The following DENND5B variants were observed in gnomAD, a reference collection of about 807,000 sequenced individuals.
DENND5B encodes the protein DENN domain containing 5B.
In DENND5B, 34 loss-of-function variants were observed where a neutral mutation model predicts 140.6. The ratio of observed to expected loss-of-function variants is 0.24; its 90% CI spans 0.18 to 0.32. The LOEUF is 0.32. Ranked by LOEUF, DENND5B falls within the 10% of genes least tolerant of loss-of-function variation. The probability of loss-of-function intolerance (pLI) is 1.00; values close to 1 mark genes in which losing one functional copy is unlikely to be tolerated. For missense variants in DENND5B, 1,142 were observed against 1,560.2 expected (o/e 0.73, Z 4.52); for synonymous variants, 551 against 562.1 (o/e 0.98, Z 0.28).
intron 1 of DENND5B, among the ~76,000 whole-genome samples, chr12:31,561,105 T>G (rs895735787): frequency 6.6e-5 from 10 of 152,140 alleles, no homozygotes; most frequent in Non-Finnish European, 1.2e-4. Context: ...GAACTCCGTA[T>G]GTAAGGGATG....
chr12:31,555,791 C>A (rs1949256069), intron 1 of DENND5B, among the ~76,000 whole-genome samples: 1 of 152,186 alleles, frequency 6.6e-6, no homozygotes. Context: ...TGCCACCTTG[C>A]AGTTTGATCT....
chr12:31,584,749 C>A (rs899863465), intron 1 of DENND5B, among the ~76,000 whole-genome samples: 3 of 152,068 alleles, frequency 2.0e-5, no homozygotes, highest in Non-Finnish European at 4.4e-5. Flanking sequence ...CTGCTTGAGC[C>A]CAAGGAGATT....
chr12:31,553,954 T>C (rs1426154271), intron 1 of DENND5B, among the ~76,000 whole-genome samples: 1 of 152,194 alleles, frequency 6.6e-6, no homozygotes, highest in African/African-American at 2.4e-5. Context: ...AGCCTATGTA[T>C]GTCTCTGCAC....
intron 3 of DENND5B, among the ~76,000 whole-genome samples, chr12:31,464,247 T>C (rs937359890): frequency 2.6e-5 from 4 of 152,210 alleles, no homozygotes; most frequent in Non-Finnish European, 5.9e-5. Flanking sequence ...GACCACTTGC[T>C]TGCAGTCCAT....
intron 1 of DENND5B, among the ~76,000 whole-genome samples, chr12:31,507,916 A>C (rs1382923938): frequency 6.6e-6 from 1 of 152,218 alleles, no homozygotes; most frequent in Admixed American, 6.5e-5. Flanking sequence ...CTAAATTAGA[A>C]ACACATTATT....
rs1256630220 is a variant in DENND5B at position 31,585,466 on chromosome 12, T to G, written c.127+5240A>C. Among the ~76,000 whole-genome samples the G allele has an allele frequency of 2.6e-5, 4 of 152,230 alleles. No homozygotes were observed. In the East Asian group the frequency reaches 7.7e-4, roughly 29 times the overall value. ...ACACACTTCAGCACAGTCTTGACTA[T>G]GACATTCAGTCTGGAATAAGGGCAA... On this transcript the variant is annotated intron_variant, in intron 1 of 20. Transcript: ENST00000389082.
At chr12:31,460,735 A>T (rs926795315) in intron 3 of DENND5B, among the ~76,000 whole-genome samples, 1 of 152,128 alleles carries the variant, frequency 6.6e-6, no homozygotes, top group African/African-American at 2.4e-5. Context: ...TAACATTGTT[A>T]TTATTTTTGA....
At chr12:31,538,001 A>C (rs563453343) in intron 1 of DENND5B, among the ~76,000 whole-genome samples, 1 of 152,214 alleles carries the variant, frequency 6.6e-6, no homozygotes, top group African/African-American at 2.4e-5. Flanking sequence ...ACCCAGATAC[A>C]TAAAGCAAAT....
intron 6 of DENND5B, 116 bp from the exon 7 acceptor site, chr12:31,443,041 ATAT>A: frequency 1.2e-6 from 1 of 844,118 alleles, no homozygotes; most frequent in Non-Finnish European, 1.7e-6. Context: ...TCTGAAACAG[ATAT>A]TGTGTGTGTG....
intron 1 of DENND5B, among the ~76,000 whole-genome samples, chr12:31,527,719 A>G (rs1948135878): frequency 6.6e-6 from 1 of 152,144 alleles, no homozygotes; most frequent in African/African-American, 2.4e-5. Flanking sequence ...TGGAGGTTGC[A>G]GTGAGCTGAG....
chr12:31,477,671 T>C (rs1430370275), intron 3 of DENND5B: 1 of 166,622 alleles, frequency 6.0e-6, no homozygotes, highest in Non-Finnish European at 1.4e-5. Context: ...ATGAAAAATA[T>C]GACGGAGATC....
chr12:31,418,342 C>T (rs1593114136), intron 11 of DENND5B, among the ~76,000 whole-genome samples: 1 of 141,870 alleles, frequency 7.0e-6, no homozygotes, highest in Non-Finnish European at 1.5e-5. Flanking sequence ...AGTGCAGTGG[C>T]ATGATCTCGG....
intron 16 of DENND5B, among the ~76,000 whole-genome samples, chr12:31,398,972 A>G (rs1941636262): frequency 1.3e-5 from 2 of 151,582 alleles, no homozygotes; most frequent in Admixed American, 1.3e-4. Flanking sequence ...AAATACAGAA[A>G]TTAGCCGGGC....
chr12:31,540,853 C>T (rs1349242005), intron 1 of DENND5B: 4 of 302,646 alleles, frequency 1.3e-5, no homozygotes, highest in East Asian at 9.1e-5. Flanking sequence ...AAAACAGACA[C>T]ATTAGACCAG....
At chr12:31,469,494 G>C (rs1945442652) in intron 3 of DENND5B, among the ~76,000 whole-genome samples, 1 of 152,234 alleles carries the variant, frequency 6.6e-6, no homozygotes, top group East Asian at 1.9e-4. Context: ...TTTCTGAGTT[G>C]TATCCTTTAT....
chr12:31,510,533 T>C (rs976461477), intron 1 of DENND5B, among the ~76,000 whole-genome samples: 8 of 152,316 alleles, frequency 5.3e-5, no homozygotes, highest in East Asian at 3.9e-4. Context: ...CAGTTCCTTA[T>C]GGTTGTAGAG....
intron 11 of DENND5B, 41 bp from the exon 12 acceptor site, chr12:31,415,489 A>G: frequency 6.9e-7 from 1 of 1,438,972 alleles, no homozygotes; most frequent in Non-Finnish European, 9.6e-7. Context: ...AAAAGTAATA[A>G]AAAATATACA....
intron 1 of DENND5B, among the ~76,000 whole-genome samples, chr12:31,510,829 G>T (rs944608117): frequency 2.5e-4 from 38 of 152,104 alleles, no homozygotes; most frequent in African/African-American, 8.7e-4. Flanking sequence ...AACCTAGACT[G>T]CTCTTTAACT....
chr12:31,410,230 C>T (rs1942380197), intron 13 of DENND5B, among the ~76,000 whole-genome samples: 1 of 152,064 alleles, frequency 6.6e-6, no homozygotes, highest in African/African-American at 2.4e-5. Flanking sequence ...CAATCATACC[C>T]CTTGACTCAT....
Sources: gnomAD v4.1 joint callset for allele counts (sites outside exome capture counted in the v4.1 genomes callset) on GRCh38, gnomAD v4.1.1 for gene constraint, MANE v1.5 for transcripts, NCBI Gene and HGNC (gene_info 2026-07-23, HGNC 2026-07-21) for gene names.